The following RAB38 variants were observed in gnomAD, a reference collection of about 807,000 sequenced individuals.
RAB38 encodes RAB38, member RAS oncogene family.
A neutral mutation model predicts 18.4 loss-of-function variants in RAB38; 15 were observed. The ratio of observed to expected loss-of-function variants is 0.82; its 90% confidence interval spans 0.55 to 1.26. The LOEUF is 1.26. RAB38 is among the 50% of genes most tolerant of loss of function. The pLI is 0.00. For missense variants in RAB38, 294 were observed against 267.4 expected (o/e 1.10, Z -0.69); for synonymous variants, 101 against 104.4 (o/e 0.97, Z 0.20).
At chr11:88,108,354 T>G (rs1053636153), downstream of RAB38, among the ~76,000 whole-genome samples, 1 of 152,210 alleles carries the variant, frequency 6.6e-6, no homozygotes, top group South Asian at 2.1e-4. Flanking sequence ...TTTGCATTGA[T>G]CCCTTTACCA....
chr11:88,140,808 G>T (rs1234648359), intron 2 of RAB38, among the ~76,000 whole-genome samples: 3 of 152,130 alleles, frequency 2.0e-5, no homozygotes, highest in Admixed American at 1.3e-4. Flanking sequence ...AGAATGAGGG[G>T]TTTCTAAAGA....
chr11:87,834,446 G>A, the RAB38 span, among the ~76,000 whole-genome samples: 39 of 152,260 alleles, frequency 2.6e-4, no homozygotes, highest in African/African-American at 7.7e-4. Flanking sequence ...AAGCTACAGC[G>A]TTTGTTTTGA....
At chr11:88,048,134 C>T in the RAB38 span, among the ~76,000 whole-genome samples, 3 of 152,104 alleles carry the variant, frequency 2.0e-5, no homozygotes, top group Admixed American at 6.6e-5. Flanking sequence ...CTGGGATTTG[C>T]CCCCACCCAG....
the RAB38 span, among the ~76,000 whole-genome samples, chr11:88,087,770 T>A: frequency 1.1e-4 from 17 of 152,044 alleles, no homozygotes; most frequent in African/African-American, 3.9e-4. Flanking sequence ...AATGGGAGCG[T>A]CTTATGTCAG....
At chr11:87,976,091 G>A in the RAB38 span, among the ~76,000 whole-genome samples, 622 of 149,690 alleles carry the variant, frequency 4.2e-3, 3 homozygotes, top group African/African-American at 0.014. Flanking sequence ...AAAAAAGTCT[G>A]GTATATGTAC....
the RAB38 span, among the ~76,000 whole-genome samples, chr11:88,076,793 CA>C: frequency 6.0e-4 from 77 of 128,246 alleles, no homozygotes; most frequent in Middle Eastern, 3.9e-3. Flanking sequence ...ACTTAAAATA[CA>C]AAAAAAAAAA....
Position 88,175,204 on chromosome 11 carries a change from G to A in RAB38, c.181C>T (p.Leu61=). 6.2e-7 allele frequency: 1 copy of A among 1,612,324 alleles called. No individual in the cohort carries two copies. The highest frequency in any genetic ancestry group is 8.5e-7 in the Non-Finnish European group (1 of 1,179,194). ...LHWDPETVVR[L]QLWDIAGQER... Reference sequence around the variant, plus strand: ...TCACCTGCGATATCCCAGAGCTGCAGGCGCACCACAGTCTCCGGGTCCCAG... The same window carrying A: ...TCACCTGCGATATCCCAGAGCTGCAAGCGCACCACAGTCTCCGGGTCCCAG... The change falls in exon 1 of 3, where the codon CTG becomes TTG. Residue 61 remains leucine (L), a synonymous_variant. Coordinates refer to ENST00000243662, the MANE Select transcript of RAB38 (RefSeq NM_022337.3).
chr11:87,940,649 A>G, the RAB38 span, among the ~76,000 whole-genome samples: 15,889 of 151,960 alleles, frequency 0.1, 917 homozygotes, highest in Middle Eastern at 0.15. Context: ...AGAGAGAAAG[A>G]AAGAAAGAGA....
chr11:88,155,994 T>A (rs1323287282), intron 1 of RAB38, among the ~76,000 whole-genome samples: 2 of 152,190 alleles, frequency 1.3e-5, no homozygotes, highest in African/African-American at 4.8e-5. Context: ...GAATATTTTT[T>A]AAATGAAGAA....
the RAB38 span, among the ~76,000 whole-genome samples, chr11:87,865,441 A>G: frequency 2.6e-5 from 4 of 151,858 alleles, no homozygotes; most frequent in East Asian, 7.8e-4. Flanking sequence ...AGTGGTCACA[A>G]TCAAAGAATT....
the RAB38 span, among the ~76,000 whole-genome samples, chr11:87,975,718 G>A: frequency 2.6e-5 from 4 of 151,618 alleles, no homozygotes; most frequent in Non-Finnish European, 5.9e-5. Context: ...TAAATATGCT[G>A]TAATAAATTA....
At chr11:88,064,601 T>A in the RAB38 span, among the ~76,000 whole-genome samples, 1 of 152,254 alleles carries the variant, frequency 6.6e-6, no homozygotes, top group Non-Finnish European at 1.5e-5. Flanking sequence ...CTTAAGCCAC[T>A]GAGATTTAAA....
At chr11:88,105,123 A>G in the RAB38 span, among the ~76,000 whole-genome samples, 1 of 152,182 alleles carries the variant, frequency 6.6e-6, no homozygotes, top group South Asian at 2.1e-4. Context: ...ATTAATTTAT[A>G]ATGTAAATAA....
chr11:88,052,235 G>A, the RAB38 span, among the ~76,000 whole-genome samples: 1 of 152,056 alleles, frequency 6.6e-6, no homozygotes, highest in African/African-American at 2.4e-5. Context: ...TAGATCAGTA[G>A]AACTTCTCCA....
the RAB38 span, among the ~76,000 whole-genome samples, chr11:88,030,979 A>G: frequency 3.3e-5 from 5 of 151,272 alleles, no homozygotes; most frequent in Non-Finnish European, 7.4e-5. Flanking sequence ...AAAATCCTCA[A>G]TAAAATACTG....
At chr11:87,895,647 C>G in the RAB38 span, among the ~76,000 whole-genome samples, 1 of 151,612 alleles carries the variant, frequency 6.6e-6, no homozygotes, top group African/African-American at 2.4e-5. Flanking sequence ...ATACTACTTC[C>G]ACTGCACCGG....
the RAB38 span, among the ~76,000 whole-genome samples, chr11:88,090,980 C>G: frequency 1.5e-3 from 221 of 151,890 alleles, 2 homozygotes; most frequent in Admixed American, 6.4e-3. Flanking sequence ...AACAGAAAGT[C>G]AAATAAGAAA....
At chr11:88,019,619 C>T in the RAB38 span, among the ~76,000 whole-genome samples, 1 of 152,138 alleles carries the variant, frequency 6.6e-6, no homozygotes, top group Non-Finnish European at 1.5e-5. Context: ...AAAAATACAG[C>T]CCCTATGTAC....
chr11:88,052,901 CATATATAT>C, the RAB38 span, among the ~76,000 whole-genome samples: 58 of 21,520 alleles, frequency 2.7e-3, no homozygotes, highest in South Asian at 0.011. Flanking sequence ...GAAAAAATTT[CATATATAT>C]ATATATATAT....
Sources: allele counts gnomAD v4.1 joint callset (sites outside exome capture counted in the v4.1 genomes callset), GRCh38; gene constraint gnomAD v4.1.1; transcripts MANE v1.5; gene names NCBI Gene and HGNC (gene_info 2026-07-23, HGNC 2026-07-21).